KANSL1: variants seen among roughly 807,000 people sequenced by gnomAD.
The protein encoded by KANSL1 is MLL1/MLL complex subunit KANSL1.
In KANSL1, 22 loss-of-function variants were observed where a neutral mutation model predicts 103.6. That is an observed-to-expected ratio of 0.21 (90% confidence interval 0.15 to 0.30). The LOEUF is 0.30. KANSL1 is among the 10% of genes least tolerant of loss of function. KANSL1 has a pLI of 1.00. For missense variants in KANSL1, 1,337 were observed against 1,399.8 expected (o/e 0.96, Z 0.72); for synonymous variants, 600 against 527.6 (o/e 1.14, Z -1.88).
chr17:46,205,381 A>C (rs78220218), intron 1 of KANSL1, among the ~76,000 whole-genome samples: 12,874 of 137,546 alleles, frequency 0.094, no homozygotes, highest in Non-Finnish European at 0.14. Flanking sequence ...TCCCCCCGCC[A>C]AAAAAAAAAG....
intron 8 of KANSL1, chr17:46,039,484 T>C (rs2077249815): frequency 1.6e-6 from 1 of 617,286 alleles, no homozygotes; most frequent in Non-Finnish European, 2.7e-6. Flanking sequence ...TCACTGAGCA[T>C]TTTGGGTCTT....
intron 2 of KANSL1, among the ~76,000 whole-genome samples, chr17:46,155,929 T>C (rs979958403): frequency 1.2e-4 from 19 of 152,194 alleles, no homozygotes; most frequent in Non-Finnish European, 2.2e-4. Flanking sequence ...TGAAACCCTA[T>C]CTCTCAAAAG....
chr17:46,170,855 A>G lies in KANSL1; in HGVS notation c.1289T>C (p.Leu430Pro), dbSNP rs1474778043. Residue 430 changes from leucine to proline, a missense_variant and splice_region_variant, in exon 2 of 15, where the codon CTG (leucine) becomes CCG (proline). By Grantham distance (98) the Leu-to-Pro change is moderately conservative. Coordinates refer to ENST00000432791, the MANE Select transcript of KANSL1 (RefSeq NM_015443.4). ...GCTATCATGCATGAGGTCTACTCAC[A>G]GGGGTACATGACGCTGCTCGGGATC... ...RADPEQRHVP[L>P]RRRSEWKWAA... is the part of the protein sequence containing the mutation. 6.3e-7 allele frequency: 1 copy of G among 1,597,254 alleles called. No individual in the cohort carries two copies. Among genetic ancestry groups the G allele is most frequent in the Non-Finnish European group, 8.5e-7 (1 of 1,171,796 alleles).
rs1385716313 is a variant in KANSL1, at chr17:46,030,394, C to T, written c.*1082G>A. 2.0e-5 allele frequency: 3 copies of T among 151,948 alleles called. No homozygotes were observed. The highest frequency in any genetic ancestry group is 3.9e-4 in the East Asian group (2 of 5,184). 9.4% of individuals were successfully genotyped at this position (151,948 alleles called of 1,614,324 possible). A position where few individuals can be genotyped will look rare whatever the true frequency, so the allele number is the denominator to read the frequency against. On this transcript the variant is annotated 3_prime_UTR_variant, in exon 15 of 15. Transcript: ENST00000432791. The stretch of plus-strand genomic sequence containing the variant: ...GGCCAAAAAAAAAGAGTCTTCTCCC[C>T]CCTCCCCCTTTTTGGTGATGTGATC...
intron 2 of KANSL1, among the ~76,000 whole-genome samples, chr17:46,165,813 A>G (rs4792843): frequency 0.14 from 21,927 of 152,034 alleles, 2,134 homozygotes; most frequent in Non-Finnish European, 0.22. Context: ...GCCAGACCAA[A>G]AGCAACAATA....
chr17:46,033,957 G>C (rs902864974), intron 11 of KANSL1, among the ~76,000 whole-genome samples: 17 of 152,218 alleles, frequency 1.1e-4, no homozygotes, highest in African/African-American at 4.1e-4. Flanking sequence ...ACCAGGCTGT[G>C]ACTGCTGGTT....
chr17:46,057,850 A>C (rs1428257977), intron 6 of KANSL1, among the ~76,000 whole-genome samples: 1 of 152,216 alleles, frequency 6.6e-6, no homozygotes, highest in Non-Finnish European at 1.5e-5. Flanking sequence ...GGAAAAGAAA[A>C]CAGTGACACC....
At chr17:46,054,730 T>C (rs1358315299) in intron 6 of KANSL1, among the ~76,000 whole-genome samples, 1 of 152,208 alleles carries the variant, frequency 6.6e-6, no homozygotes, top group Non-Finnish European at 1.5e-5. Flanking sequence ...TTCCTTGCTA[T>C]ATTTCTCCAA....
chr17:46,062,242 C>T (rs531579941), intron 6 of KANSL1, among the ~76,000 whole-genome samples: 1 of 150,992 alleles, frequency 6.6e-6, no homozygotes, highest in South Asian at 2.1e-4. Context: ...GCATTCAAGG[C>T]TTCCTATTTA....
Position 46,031,438 on chromosome 17 carries a change from CAATA to C in KANSL1, c.*34_*37del, listed in dbSNP as rs373668834. 4,512 of 1,526,256 alleles carry C rather than the reference CAATA, an allele frequency of 3.0e-3. 53 individuals are homozygous for C. In the East Asian group the frequency reaches 0.033, roughly 11 times the overall value. The allele number at this position is 1,526,256 out of a possible 1,614,324, so 94.5% of individuals were successfully genotyped here. ...GCAGAGATTTCTGAAGCTTTAATGC[CAATA>C]GTTAGTGAGTCTGTTTAGATGGCTG... On this transcript the variant is annotated 3_prime_UTR_variant, in exon 15 of 15. Coordinates refer to ENST00000432791, the MANE Select transcript of KANSL1 (RefSeq NM_015443.4).
At chr17:46,220,668 T>C (rs1189261507) in intron 1 of KANSL1, among the ~76,000 whole-genome samples, 1 of 152,254 alleles carries the variant, frequency 6.6e-6, no homozygotes, top group African/African-American at 2.4e-5. Flanking sequence ...CATTTTCTTA[T>C]TTATTCTTCT....
At chr17:46,055,112 G>C (rs2077871712) in intron 6 of KANSL1, among the ~76,000 whole-genome samples, 1 of 151,802 alleles carries the variant, frequency 6.6e-6, no homozygotes, top group Non-Finnish European at 1.5e-5. Flanking sequence ...GCTTCCCAAA[G>C]TGCTGGGATT....
chr17:46,118,373 C>T (rs1235025741), intron 2 of KANSL1, among the ~76,000 whole-genome samples: 1 of 152,248 alleles, frequency 6.6e-6, no homozygotes, highest in Non-Finnish European at 1.5e-5. Flanking sequence ...TCAGATGTGG[C>T]ACATGATACA....
intron 2 of KANSL1, among the ~76,000 whole-genome samples, chr17:46,135,248 A>C (rs2044068761): frequency 1.4e-5 from 2 of 143,374 alleles, no homozygotes; most frequent in Non-Finnish European, 3.1e-5. Context: ...AAAATAGTCC[A>C]AGTAAGGGGT....
rs1475410487 is a variant in KANSL1, at chr17:46,052,253, AAGAG to A, written c.1849-1553_1849-1550del. 5.3e-5 allele frequency among the ~76,000 whole-genome samples: 8 copies of A among 152,334 alleles called. 1 individual carries two copies. The East Asian group carries it at 1.5e-3, about 29-fold the overall frequency. Reference sequence around the variant, plus strand: ...GTAGGTATAGCAAATAAAAAATAAAAAGAGAGAGACTAGAAACCAACCCATGACA... The same window carrying A: ...GTAGGTATAGCAAATAAAAAATAAAAAGAGACTAGAAACCAACCCATGACA... On this transcript the variant is annotated intron_variant, in intron 6 of 14. Transcript: ENST00000432791.
At chr17:46,134,519 C>A (rs984157933) in intron 2 of KANSL1, among the ~76,000 whole-genome samples, 2 of 152,026 alleles carry the variant, frequency 1.3e-5, no homozygotes, top group Non-Finnish European at 2.9e-5. Flanking sequence ...ATATAAATTA[C>A]GAACTATTGT....
At chr17:46,067,475 C>A (rs1050571833) in intron 5 of KANSL1, 74 bp downstream of exon 5, 8 of 908,290 alleles carry the variant, frequency 8.8e-6, no homozygotes, top group Non-Finnish European at 1.5e-5. Flanking sequence ...TCAGTCCTGG[C>A]TAAAGAGAAC....
chr17:46,177,181 A>C (rs9895185), intron 1 of KANSL1, among the ~76,000 whole-genome samples: 6 of 152,350 alleles, frequency 3.9e-5, no homozygotes, highest in African/African-American at 1.4e-4. Context: ...AGCCTTCCCG[A>C]CAAGGATGCT....
chr17:46,195,616 G>A (rs2047580505), upstream of KANSL1, among the ~76,000 whole-genome samples: 1 of 152,212 alleles, frequency 6.6e-6, no homozygotes, highest in South Asian at 2.1e-4. Flanking sequence ...AGGCTAGAGT[G>A]CAGTGGTGCA....
Sources: allele counts gnomAD v4.1 joint callset (sites outside exome capture counted in the v4.1 genomes callset), GRCh38; gene constraint gnomAD v4.1.1; transcripts MANE v1.5; gene names NCBI Gene and HGNC (gene_info 2026-07-23, HGNC 2026-07-21).